The following KDM4B variants were observed in gnomAD, a reference collection of about 807,000 sequenced individuals.
KDM4B encodes lysine-specific demethylase 4B.
KDM4B carries 32 observed loss-of-function variants against 125.2 expected under a neutral mutation model. That is an observed-to-expected ratio of 0.26 (90% CI 0.19 to 0.34). The LOEUF (loss-of-function observed/expected upper bound fraction) is 0.34, where lower values mean the gene tolerates loss of function less well. Among genes scored for constraint, KDM4B ranks in the 10% least tolerant of loss-of-function variants. KDM4B has a pLI of 1.00. For synonymous variants in KDM4B, 721 were observed against 677.9 expected (o/e 1.06, Z -0.99); for missense variants, 1,190 against 1,577.7 (o/e 0.75, Z 4.16).
chr19:5,002,009 T>C (rs2035402228), intron 1 of KDM4B, among the ~76,000 whole-genome samples: 1 of 151,926 alleles, frequency 6.6e-6, no homozygotes, highest in Non-Finnish European at 1.5e-5. Flanking sequence ...TCTTTTTTTT[T>C]CTTTTTGAGA....
At chr19:5,022,850 G>A (rs912100319) in intron 2 of KDM4B, among the ~76,000 whole-genome samples, 3 of 151,814 alleles carry the variant, frequency 2.0e-5, no homozygotes, top group African/African-American at 7.3e-5. Flanking sequence ...GGGATGTGGG[G>A]GTTGGTACTT....
At chr19:5,032,310 C>T (rs910435466) in intron 2 of KDM4B, among the ~76,000 whole-genome samples, 24 of 152,324 alleles carry the variant, frequency 1.6e-4, no homozygotes, top group Non-Finnish European at 2.6e-4. Flanking sequence ...CCGTCTTGGG[C>T]GGGCCTGCTG....
chr19:5,143,937 C>G, intron 18 of KDM4B, 30 bp from the exon 19 acceptor site: 1 of 1,545,036 alleles, frequency 6.5e-7, no homozygotes, highest in African/African-American at 1.4e-5. Context: ...AGCTCGAGCC[C>G]CATGCCCCTG....
At position 4,989,815 on chromosome 19, in the gene KDM4B, G is replaced by T. The variant is rs1364368929; in HGVS notation, c.-109+20585G>T. ...TTACAGGCATGCGCCACTGTGCCCG[G>T]CTAATTTTTGCATTTTTAGTAGAGA... On this transcript the variant is annotated intron_variant, in intron 1 of 22. Coordinates refer to ENST00000159111, the MANE Select transcript of KDM4B (RefSeq NM_015015.3). Among the ~76,000 whole-genome samples the T allele has an allele frequency of 1.8e-4, 28 of 152,122 alleles. 1 individual carries two copies. Among genetic ancestry groups the T allele is most frequent in the Admixed American group, 1.8e-3 (27 of 15,276 alleles).
intron 9 of KDM4B, among the ~76,000 whole-genome samples, chr19:5,105,176 C>T (rs1016878565): frequency 2.0e-5 from 3 of 152,192 alleles, no homozygotes; most frequent in East Asian, 1.9e-4. Context: ...CGGGGCAGAG[C>T]AGGAGGCCAG....
At chr19:5,128,123 G>T (rs576936088) in intron 11 of KDM4B, among the ~76,000 whole-genome samples, 1 of 152,008 alleles carries the variant, frequency 6.6e-6, no homozygotes, top group African/African-American at 2.4e-5. Flanking sequence ...TGTGAGGACA[G>T]CCCGGCTCTG....
At chr19:5,069,319 T>G (rs61442081) in intron 6 of KDM4B, among the ~76,000 whole-genome samples, 2 of 152,060 alleles carry the variant, frequency 1.3e-5, no homozygotes, top group Non-Finnish European at 2.9e-5. Flanking sequence ...TTATTTTTTT[T>G]AATTTTTTGA....
intron 11 of KDM4B, among the ~76,000 whole-genome samples, chr19:5,130,218 ACAGAGTCCCCTCTGC>A (rs1296209952): frequency 6.6e-6 from 1 of 151,968 alleles, no homozygotes; most frequent in Non-Finnish European, 1.5e-5. Context: ...AGTCCCACCC[ACAGAGTCCCCTCTGC>A]CAGAGTCCCC....
In KDM4B at chr19:5,137,635, C is replaced by T. The variant is rs541872218; in HGVS notation, c.2400C>T (p.Cys800=). 2.5e-6 allele frequency: 4 copies of T among 1,603,520 alleles called. No homozygotes were observed. Among genetic ancestry groups the T allele is most frequent in the Admixed American group, 1.7e-5 (1 of 59,498 alleles). ...AHAWTAECCL[C]NLRGGALQMT... ...GGTCTCCACAGGAGTGCTGCCTGTGCAACCTGCGAGGAGGTGCGCTGCAGA... is the reference window on the plus strand; with the variant it reads ...GGTCTCCACAGGAGTGCTGCCTGTGTAACCTGCGAGGAGGTGCGCTGCAGA... The change falls in exon 17 of 23, where the codon TGC becomes TGT. Residue 800 remains cysteine, a synonymous_variant. Coordinates refer to ENST00000159111, the MANE Select transcript of KDM4B (RefSeq NM_015015.3).
chr19:5,141,277 G>A lies in KDM4B; in HGVS notation c.2551-2690G>A, dbSNP rs1010404560. On this transcript the variant is annotated intron_variant, in intron 18 of 22. Coordinates refer to ENST00000159111, the MANE Select transcript of KDM4B (RefSeq NM_015015.3). This position sits in a 1 kb window ranked among gnomAD's most constrained non-coding sequence, Gnocchi z 6.4. ...ACGCCGGCCTGGCCGGGCACGGCCA[G>A]GCGATTAGGAAGCCGGCAGCCCGCG... 6.6e-6 allele frequency: 1 copy of A among 152,078 alleles called. No homozygotes were observed. The highest frequency in any genetic ancestry group is 2.1e-4 in the South Asian group (1 of 4,830). 9.4% of individuals were successfully genotyped at this position (152,078 alleles called of 1,614,324 possible). A position where few individuals can be genotyped will look rare whatever the true frequency, so the allele number is the denominator to read the frequency against.
intron 9 of KDM4B, among the ~76,000 whole-genome samples, chr19:5,091,839 GC>G (rs1288813371): frequency 6.6e-6 from 1 of 152,198 alleles, no homozygotes; most frequent in Admixed American, 6.5e-5. Context: ...GCTGGCCTGT[GC>G]CCTGCCTTTG....
chr19:4,991,310 T>G (rs924898154), intron 1 of KDM4B, among the ~76,000 whole-genome samples: 3 of 151,942 alleles, frequency 2.0e-5, no homozygotes, highest in Admixed American at 2.0e-4. Flanking sequence ...TTGTTAACTT[T>G]TAATTTTTAA....
chr19:5,054,994 A>G (rs1384816865), intron 6 of KDM4B, among the ~76,000 whole-genome samples: 2 of 152,194 alleles, frequency 1.3e-5, no homozygotes, highest in Non-Finnish European at 2.9e-5. Context: ...AAGACCTTTG[A>G]GCCTCACACT....
intron 1 of KDM4B, among the ~76,000 whole-genome samples, chr19:4,975,029 A>T: frequency 6.6e-6 from 1 of 150,990 alleles, no homozygotes; most frequent in Non-Finnish European, 1.5e-5. Context: ...TTCTCTTTCC[A>T]CCCAGCCGGC....
chr19:5,030,565 G>C (rs2036419726), intron 2 of KDM4B, among the ~76,000 whole-genome samples: 1 of 152,234 alleles, frequency 6.6e-6, no homozygotes, highest in African/African-American at 2.4e-5. Context: ...GGCCATGTGT[G>C]CACCGGCCTG....
At chr19:5,006,247 G>A (rs570380337) in intron 1 of KDM4B, among the ~76,000 whole-genome samples, 1 of 152,074 alleles carries the variant, frequency 6.6e-6, no homozygotes, top group East Asian at 1.9e-4. Flanking sequence ...CTGCCTCTGG[G>A]TAGTGTGCAC....
At chr19:5,088,325 C>G (rs1288775571) in intron 9 of KDM4B, among the ~76,000 whole-genome samples, 4 of 152,206 alleles carry the variant, frequency 2.6e-5, no homozygotes, top group Non-Finnish European at 4.4e-5. Flanking sequence ...TCGCTCTGAT[C>G]AAAGGGAGGT....
At chr19:5,145,815 C>CG (rs2039831158) in intron 21 of KDM4B, among the ~76,000 whole-genome samples, 1 of 152,164 alleles carries the variant, frequency 6.6e-6, no homozygotes, top group African/African-American at 2.4e-5. Context: ...TCGGGTCACG[C>CG]GGCGGGTCAG....
At chr19:5,103,273 C>T (rs1156594619) in intron 9 of KDM4B, among the ~76,000 whole-genome samples, 1 of 152,258 alleles carries the variant, frequency 6.6e-6, no homozygotes, top group East Asian at 1.9e-4. Flanking sequence ...TGAAGCAGGC[C>T]CTGGGCTCTG....
Sources: allele counts gnomAD v4.1 joint callset (sites outside exome capture counted in the v4.1 genomes callset), GRCh38; gene constraint gnomAD v4.1.1; non-coding constraint Gnocchi (gnomAD v3.1); transcripts MANE v1.5; gene names NCBI Gene and HGNC (gene_info 2026-07-23, HGNC 2026-07-21).